Variants in SHTN1 observed in about 807,000 individuals in gnomAD.
SHTN1 encodes shootin 1.
SHTN1 carries 42 observed loss-of-function variants against 83.1 expected under a neutral mutation model. The observed-to-expected ratio is 0.51, with a 90% CI of 0.39 to 0.65. The LOEUF is 0.65. Ranked by LOEUF, SHTN1 falls within the 30% of genes least tolerant of loss-of-function variation. SHTN1 has a pLI of 0.00. For missense variants in SHTN1, 622 were observed against 737.8 expected, an observed-to-expected ratio of 0.84 and a Z score of 1.82; for synonymous variants, 224 against 247.7, an observed-to-expected ratio of 0.90 and a Z score of 0.90.
At chr10:116,985,731 T>C (rs1372577159) in intron 1 of SHTN1, among the ~76,000 whole-genome samples, 1 of 152,194 alleles carries the variant, frequency 6.6e-6, no homozygotes, top group African/African-American at 2.4e-5. Flanking sequence ...TAGACTTTCA[T>C]CCATTCAGTC....
chr10:116,915,351 A>G (rs750140711), intron 13 of SHTN1, 24 bp downstream of exon 13: 1 of 1,228,274 alleles, frequency 8.1e-7, no homozygotes, highest in Non-Finnish European at 1.2e-6. Context: ...CAAACAGGGA[A>G]AAAAGCATTC....
rs377600413 is a variant in SHTN1 at position 116,886,512 on chromosome 10, G to A, written c.1728C>T (p.Ala576=). 1.2e-5 allele frequency: 19 copies of A among 1,614,042 alleles called. No homozygotes were observed. The highest frequency in any genetic ancestry group is 1.4e-5 in the Non-Finnish European group (17 of 1,180,018). The change falls in exon 17 of 17, where the codon GCC becomes GCT. Residue 576 remains alanine (A), a synonymous_variant. Coordinates refer to ENST00000355371, the MANE Select transcript of SHTN1 (RefSeq NM_001127211.3). ...RKKYIDGEKQ[A]EPVVVLDPVS... is the part of the protein sequence containing the mutation. ...CAGGATCTAAAACTACAACTGGTTC[G>A]GCTTGTTTTTCACCGTCAATGTATT...
chr10:117,069,798 A>G (rs914397848), intron 1 of SHTN1, among the ~76,000 whole-genome samples: 1 of 152,168 alleles, frequency 6.6e-6, no homozygotes, highest in Non-Finnish European at 1.5e-5. Context: ...TCTGTTGGGC[A>G]TGGATGAGAC....
chr10:117,064,206 A>G (rs1023200953), intron 1 of SHTN1, among the ~76,000 whole-genome samples: 4 of 152,228 alleles, frequency 2.6e-5, no homozygotes, highest in African/African-American at 9.6e-5. Flanking sequence ...TAGATGCTCC[A>G]ACCATGAGTT....
chr10:117,014,108 A>C (rs1852145972), intron 2 of SHTN1, among the ~76,000 whole-genome samples: 1 of 152,176 alleles, frequency 6.6e-6, no homozygotes, highest in Non-Finnish European at 1.5e-5. Flanking sequence ...TATAAAAATA[A>C]GAAACAGATC....
intron 1 of SHTN1, among the ~76,000 whole-genome samples, chr10:116,999,950 G>GC (rs1851767182): frequency 1.3e-5 from 2 of 152,046 alleles, no homozygotes; most frequent in Non-Finnish European, 2.9e-5. Flanking sequence ...TAATATTAAG[G>GC]AAATAGTGAA....
chr10:117,061,300 G>A (rs1373738490), intron 1 of SHTN1, among the ~76,000 whole-genome samples: 1 of 148,152 alleles, frequency 6.7e-6, no homozygotes, highest in East Asian at 2.0e-4. Context: ...GCGTTCAAGC[G>A]ATTCTCCTGC....
chr10:117,105,586 T>C (rs1853658804), intron 1 of SHTN1, among the ~76,000 whole-genome samples: 1 of 152,230 alleles, frequency 6.6e-6, no homozygotes, highest in African/African-American at 2.4e-5. Context: ...TTTGCTACTG[T>C]AGGTTTTACA....
At chr10:116,972,553 A>G (rs1315513148) in intron 2 of SHTN1, among the ~76,000 whole-genome samples, 2 of 152,204 alleles carry the variant, frequency 1.3e-5, no homozygotes, top group Non-Finnish European at 2.9e-5. Flanking sequence ...GTCAGCCAGG[A>G]TAACGGGCCT....
In SHTN1 at chr10:116,881,632, T is replaced by C; in HGVS notation, c.*4712A>G. 1 of 1,549,168 alleles carries C rather than the reference T, an allele frequency of 6.5e-7. No homozygotes were observed. The highest frequency in any genetic ancestry group is 8.7e-7 in the Non-Finnish European group (1 of 1,146,394). On this transcript the variant is annotated 3_prime_UTR_variant, in exon 17 of 17. Transcript: ENST00000355371. ...GTGCCCACCTTCCCCACACAAGGTG[T>C]AGAGGAATCAGCCGAAACAGGAGCA... is the stretch of plus-strand genomic sequence containing the variant.
At chr10:116,934,872 A>G (rs1316386239) in intron 9 of SHTN1, among the ~76,000 whole-genome samples, 1 of 152,128 alleles carries the variant, frequency 6.6e-6, no homozygotes, top group Admixed American at 6.6e-5. Flanking sequence ...TTCTCCGTGA[A>G]GAGGTCCTTC....
At chr10:117,035,947 C>CAAAAAAAAA (rs35033048) in intron 2 of SHTN1, among the ~76,000 whole-genome samples, 1 of 72,196 alleles carries the variant, frequency 1.4e-5, no homozygotes, top group Non-Finnish European at 2.4e-5. Context: ...AACTCCATCT[C>CAAAAAAAAA]AAAAAAAAAA....
At chr10:116,980,490 T>C (rs1305064133) in intron 1 of SHTN1, among the ~76,000 whole-genome samples, 8 of 151,970 alleles carry the variant, frequency 5.3e-5, no homozygotes. Flanking sequence ...AGATGGGGTC[T>C]TGCTATTTTG....
chr10:116,998,992 C>T (rs775286315), intron 1 of SHTN1, among the ~76,000 whole-genome samples: 50 of 152,072 alleles, frequency 3.3e-4, no homozygotes, highest in Admixed American at 6.6e-4. Context: ...AATCCAGTGC[C>T]AAAAGCATTT....
Position 116,886,585 on chromosome 10 carries a change from G to C in SHTN1, c.1674-19C>G, listed in dbSNP as rs1401187358. ...GGGAGGCCTATGAGATGAAGAGTTA[G>C]ACAAAAAAAGTAAAAAGCAGAGAGA... On this transcript the variant is annotated intron_variant, in intron 16 of 16. Transcript: ENST00000355371. The C allele has an allele frequency of 1.9e-6, 3 of 1,609,138 alleles. No homozygotes were observed. The African/African-American group carries it at 4.0e-5, about 22-fold the overall frequency.
intron 11 of SHTN1, among the ~76,000 whole-genome samples, chr10:116,922,763 G>A (rs552801311): frequency 3.9e-5 from 6 of 152,184 alleles, no homozygotes; most frequent in South Asian, 2.1e-4. Context: ...TCAGGAGTTC[G>A]AGACCAGCCT....
At chr10:117,094,351 A>G (rs1176138086) in intron 1 of SHTN1, among the ~76,000 whole-genome samples, 1 of 152,166 alleles carries the variant, frequency 6.6e-6, no homozygotes, top group East Asian at 1.9e-4. Context: ...CTTACCTTGC[A>G]AAAAAATGTT....
chr10:117,095,743 T>C (rs1176966562), intron 1 of SHTN1, among the ~76,000 whole-genome samples: 1 of 152,238 alleles, frequency 6.6e-6, no homozygotes, highest in East Asian at 1.9e-4. Context: ...CATCATTCTT[T>C]TGACCTACTG....
chr10:116,986,261 A>ATCAAATAATTGAAGTCTAAGATC (rs1851214967), intron 1 of SHTN1, among the ~76,000 whole-genome samples: 3 of 152,106 alleles, frequency 2.0e-5, no homozygotes, highest in Non-Finnish European at 4.4e-5. Context: ...TTCCTAAGAT[A>ATCAAATAATTGAAGTCTAAGATC]TATCAAATAA....
Sources: allele counts gnomAD v4.1 joint callset (sites outside exome capture counted in the v4.1 genomes callset), GRCh38; gene constraint gnomAD v4.1.1; transcripts MANE v1.5; gene names NCBI Gene and HGNC (gene_info 2026-07-23, HGNC 2026-07-21).